The following KPNA7 variants were observed in gnomAD, a reference collection of about 807,000 sequenced individuals.
KPNA7 encodes karyopherin subunit alpha 7, also known as importin subunit alpha-8.
Under a neutral mutation model 53.7 loss-of-function variants are expected in KPNA7, and 54 were observed. The observed-to-expected ratio is 1.01, with a 90% CI of 0.81 to 1.26. The LOEUF is 1.26. Ranked by LOEUF, KPNA7 falls within the 50% of genes most tolerant of loss-of-function variation. The pLI is 0.00. For missense variants in KPNA7, 640 were observed against 644.5 expected (o/e 0.99, Z 0.07); for synonymous variants, 276 against 259.3 (o/e 1.06, Z -0.62).
intron 8 of KPNA7, 26 bp downstream of exon 8, chr7:99,184,903 C>T: frequency 6.5e-7 from 1 of 1,539,226 alleles, no homozygotes; most frequent in Non-Finnish European, 8.8e-7. Flanking sequence ...TAGTCCTTTG[C>T]CATGGTTGCT....
intron 7 of KPNA7, among the ~76,000 whole-genome samples, chr7:99,187,822 A>ATTT (rs1563075214): frequency 7.1e-5 from 9 of 126,154 alleles, no homozygotes; most frequent in South Asian, 2.6e-4. Context: ...AAAAAAAAAA[A>ATTT]AAAAAAAAAA....
chr7:99,182,155 G>C, intron 8 of KPNA7, 90 bp from the exon 9 acceptor site: 1 of 923,200 alleles, frequency 1.1e-6, no homozygotes, highest in Non-Finnish European at 1.6e-6. Flanking sequence ...GGAGGCTGGT[G>C]ACAGCCAGGA....
At chr7:99,210,171 T>C (rs1412321543), upstream of KPNA7, among the ~76,000 whole-genome samples, 1 of 152,214 alleles carries the variant, frequency 6.6e-6, no homozygotes, top group Non-Finnish European at 1.5e-5. Flanking sequence ...CATTGTGTTC[T>C]AGACCCCTGG....
At chr7:99,186,919 G>T (rs73147655) in intron 7 of KPNA7, among the ~76,000 whole-genome samples, 1 of 152,064 alleles carries the variant, frequency 6.6e-6, no homozygotes, top group Non-Finnish European at 1.5e-5. Flanking sequence ...TAAAGAGCAG[G>T]CAGCATAGAG....
chr7:99,149,276 C>T, the KPNA7 span, among the ~76,000 whole-genome samples: 1 of 152,110 alleles, frequency 6.6e-6, no homozygotes, highest in Non-Finnish European at 1.5e-5. Context: ...GTTCAGGATC[C>T]AGGACAATAA....
At chr7:99,190,289 A>G (rs1789868756) in intron 6 of KPNA7, among the ~76,000 whole-genome samples, 1 of 148,478 alleles carries the variant, frequency 6.7e-6, no homozygotes, top group Non-Finnish European at 1.5e-5. Flanking sequence ...GTGAGCTGAG[A>G]TTGCACCACT....
Position 99,207,380 on chromosome 7 carries a change from AG to A in KPNA7, c.66+20del. The stretch of plus-strand genomic sequence containing the variant: ...GATTGCACTGGTCCCCAATAGAAGC[AG>A]GTGGGTGCTTCATACTCACAGACAC... On this transcript the variant is annotated intron_variant, in intron 2 of 10. Coordinates refer to ENST00000327442, the MANE Select transcript of KPNA7 (RefSeq NM_001145715.3). The A allele has an allele frequency of 1.1e-5, 17 of 1,549,304 alleles. No homozygotes were observed. Among genetic ancestry groups the A allele is most frequent in the Non-Finnish European group, 1.5e-5 (17 of 1,145,070 alleles).
chr7:99,178,803 A>C (rs1799029480), intron 9 of KPNA7, among the ~76,000 whole-genome samples: 3 of 105,900 alleles, frequency 2.8e-5, no homozygotes, highest in Admixed American at 1.1e-4. Context: ...AAAAAAAAAA[A>C]AAAGAGTCTC....
downstream of KPNA7, among the ~76,000 whole-genome samples, chr7:99,172,442 C>T (rs563668840): frequency 3.1e-4 from 47 of 152,210 alleles, no homozygotes; most frequent in Non-Finnish European, 5.9e-4. Flanking sequence ...AGGCCAGGTG[C>T]GGTTGCTTAT....
At chr7:99,186,967 A>G (rs1298926733) in intron 7 of KPNA7, among the ~76,000 whole-genome samples, 1 of 152,182 alleles carries the variant, frequency 6.6e-6, no homozygotes, top group Non-Finnish European at 1.5e-5. Flanking sequence ...TCAAAGCAGT[A>G]TATGATGTAG....
upstream of KPNA7, among the ~76,000 whole-genome samples, chr7:99,212,743 A>C (rs1003554062): frequency 5.3e-5 from 8 of 151,972 alleles, no homozygotes; most frequent in African/African-American, 1.9e-4. Context: ...AGATTAAAAA[A>C]ATTAAAAATT....
chr7:99,149,970 T>C, the KPNA7 span, among the ~76,000 whole-genome samples: 4,904 of 152,146 alleles, frequency 0.032, 134 homozygotes, highest in Non-Finnish European at 0.049. Context: ...GGCTAATTTT[T>C]GTATTTTTAG....
chr7:99,211,204 G>C (rs1227053621), upstream of KPNA7, among the ~76,000 whole-genome samples: 3 of 152,204 alleles, frequency 2.0e-5, no homozygotes, highest in Admixed American at 6.5e-5. Context: ...TGGATCACCT[G>C]AGGTCAGGAG....
At chr7:99,201,928 G>A (rs13224481) in intron 3 of KPNA7, among the ~76,000 whole-genome samples, 71,646 of 151,608 alleles carry the variant, frequency 0.47, 20,796 homozygotes, top group East Asian at 0.68. Context: ...GGCTGGTCTC[G>A]AACTCCTGAC....
Position 99,188,522 on chromosome 7 carries a change from C to G in KPNA7, c.678G>C (p.Leu226=). 1 of 1,551,712 alleles carries G rather than the reference C, an allele frequency of 6.4e-7. No homozygotes were observed. The highest frequency in any genetic ancestry group is 8.7e-7 in the Non-Finnish European group (1 of 1,147,002). The change falls in exon 7 of 11, where the codon CTG becomes CTC. Residue 226 remains leucine (L), a synonymous_variant. Transcript: ENST00000327442. Reference sequence around the variant, plus strand: ...AAGGGTATGGGTTCTTGTTTCGGCACAGATTCGACAAGGTCCACGTGATGT... The same window carrying G: ...AAGGGTATGGGTTCTTGTTTCGGCAGAGATTCGACAAGGTCCACGTGATGT... ...LRNITWTLSN[L]CRNKNPYPCD...
Position 99,182,084 on chromosome 7 carries a change from T to A in KPNA7, c.1135-19A>T. 6.6e-7 allele frequency: 1 copy of A among 1,512,490 alleles called. No homozygotes were observed. Among genetic ancestry groups the A allele is most frequent in the South Asian group, 1.3e-5 (1 of 79,604 alleles). 93.7% of individuals were successfully genotyped at this position (1,512,490 alleles called of 1,614,324 possible). On this transcript the variant is annotated intron_variant, in intron 8 of 10. Coordinates refer to ENST00000327442, the MANE Select transcript of KPNA7 (RefSeq NM_001145715.3). ...ATTCTCCCTGCAGAACAAGAATGTT[T>A]CCATTCTCTACAGATCCTCAAGAAC...
At chr7:99,215,832 A>T (rs1257962544) in intron 1 of KPNA7, among the ~76,000 whole-genome samples, 2 of 152,090 alleles carry the variant, frequency 1.3e-5, no homozygotes, top group Non-Finnish European at 2.9e-5. Context: ...ATATATAGCC[A>T]GGTGGTTGCT....
At chr7:99,189,152 A>G (rs1761186156) in intron 6 of KPNA7, among the ~76,000 whole-genome samples, 1 of 152,188 alleles carries the variant, frequency 6.6e-6, no homozygotes, top group African/African-American at 2.4e-5. Context: ...TTCACTGACA[A>G]CAAGATCAAG....
chr7:99,171,096 C>T (rs1288661000), downstream of KPNA7, among the ~76,000 whole-genome samples: 6 of 152,016 alleles, frequency 3.9e-5, no homozygotes, highest in Admixed American at 1.3e-4. Flanking sequence ...CGCGGGCGCC[C>T]GTGATCCCAG....
Sources: gnomAD v4.1 joint callset for allele counts (sites outside exome capture counted in the v4.1 genomes callset) on GRCh38, gnomAD v4.1.1 for gene constraint, MANE v1.5 for transcripts, NCBI Gene and HGNC (gene_info 2026-07-23, HGNC 2026-07-21) for gene names.